The following RAG1 variants were observed in gnomAD, a reference collection of about 807,000 sequenced individuals.
RAG1 encodes recombination activating 1, also known as V(D)J recombination-activating protein 1.
In RAG1, 35 loss-of-function variants were observed where a neutral mutation model predicts 62.7. That is an observed-to-expected ratio of 0.56 (90% CI 0.43 to 0.74). The LOEUF is 0.74. Ranked by LOEUF, RAG1 falls within the 30% of genes least tolerant of loss-of-function variation. RAG1 has a pLI of 0.00. For missense variants in RAG1, 1,169 were observed against 1,278.6 expected, an observed-to-expected ratio of 0.91 and a Z score of 1.31; for synonymous variants, 461 against 470.3, an observed-to-expected ratio of 0.98 and a Z score of 0.26.
At position 36,577,252 on chromosome 11, in the gene RAG1, T is replaced by C. The variant is rs1850866169; in HGVS notation, c.*816T>C. 1 of 167,010 alleles carries C rather than the reference T, an allele frequency of 6.0e-6. No individual in the cohort carries two copies. The highest frequency in any genetic ancestry group is 2.1e-4 in the South Asian group (1 of 4,832). 10.3% of individuals were successfully genotyped at this position (167,010 alleles called of 1,614,324 possible). A position where few individuals can be genotyped will look rare whatever the true frequency, so the allele number is the denominator to read the frequency against. On this transcript the variant is annotated 3_prime_UTR_variant, in exon 2 of 2. Coordinates refer to ENST00000299440, the MANE Select transcript of RAG1 (RefSeq NM_000448.3). Reference sequence around the variant, plus strand: ...CAAGTATGATTCTTTATTTTTACTTTTTCATTTCAAGAAATTTAGAGTTTC... The same window carrying C: ...CAAGTATGATTCTTTATTTTTACTTCTTCATTTCAAGAAATTTAGAGTTTC...
intron 3 of RAG1, among the ~76,000 whole-genome samples, chr11:36,549,154 T>C (rs1850444966): frequency 6.6e-6 from 1 of 152,174 alleles, no homozygotes; most frequent in Non-Finnish European, 1.5e-5. Context: ...ATGTAAGACC[T>C]AAAACCATAA....
intron 3 of RAG1, among the ~76,000 whole-genome samples, chr11:36,551,168 C>A (rs182367931): frequency 7.9e-4 from 120 of 152,212 alleles, no homozygotes; most frequent in African/African-American, 2.8e-3. Flanking sequence ...TAAATTCAGA[C>A]AATGATAATT....
chr11:36,533,346 C>A (rs1324692702), intron 2 of RAG1, among the ~76,000 whole-genome samples: 2 of 152,176 alleles, frequency 1.3e-5, no homozygotes, highest in East Asian at 3.8e-4. Context: ...GCTTATATTG[C>A]CCTTGTTGCC....
At chr11:36,539,036 T>C (rs1252844836), downstream of RAG1, among the ~76,000 whole-genome samples, 6 of 152,198 alleles carry the variant, frequency 3.9e-5, no homozygotes, top group Non-Finnish European at 8.8e-5. Context: ...TTGAGACTCT[T>C]GTGGATTGAA....
chr11:36,537,942 C>T (rs149116871), downstream of RAG1, among the ~76,000 whole-genome samples: 145 of 152,222 alleles, frequency 9.5e-4, 1 homozygote, highest in African/African-American at 3.2e-3. Flanking sequence ...TTGTCTTCTG[C>T]ATTACGTTGT....
Position 36,576,379 on chromosome 11 carries a change from A to T in RAG1, c.3075A>T (p.Leu1025Phe). Residue 1025 changes from leucine (L) to phenylalanine (F), a missense_variant, in exon 2 of 2, where the codon TTA becomes TTT. Around this residue, in one of 2 missense-constraint regions of RAG1, gnomAD observed 800 missense variants for 943.3 expected, o/e 0.85. Transcript: ENST00000299440. The part of the protein sequence containing the change: ...SGFTMNPQAS[L>F]GDPLGIEDSL... ...TTACCATGAACCCTCAGGCAAGCTT[A>T]GGGGACCCATTAGGCATAGAGGACT... is the stretch of plus-strand genomic sequence containing the variant. The T allele has an allele frequency of 1.2e-6, 2 of 1,614,174 alleles. No homozygotes were observed. Among genetic ancestry groups the T allele is most frequent in the Non-Finnish European group, 1.7e-6 (2 of 1,180,012 alleles).
Position 36,573,754 on chromosome 11 carries a change from C to A in RAG1, c.450C>A (p.Ser150=). 6.2e-7 allele frequency: 1 copy of A among 1,614,062 alleles called. No individual in the cohort carries two copies. The highest frequency in any genetic ancestry group is 8.5e-7 in the Non-Finnish European group (1 of 1,180,028). Reference sequence around the variant, plus strand: ...GAAAGAAGGAAAAGAGAGCTACTTCCTGGCCGGACCTCATTGCCAAGGTTT... The same window carrying A: ...GAAAGAAGGAAAAGAGAGCTACTTCATGGCCGGACCTCATTGCCAAGGTTT... ...LLRKKEKRAT[S]WPDLIAKVFR... is the part of the protein sequence containing the mutation. The change falls in exon 2 of 2, where the codon TCC becomes TCA. Residue 150 remains serine, a synonymous_variant. Coordinates refer to ENST00000299440, the MANE Select transcript of RAG1 (RefSeq NM_000448.3).
chr11:36,513,686 C>T (rs937066673), intron 1 of RAG1, among the ~76,000 whole-genome samples: 3 of 152,178 alleles, frequency 2.0e-5, no homozygotes, highest in Non-Finnish European at 4.4e-5. Flanking sequence ...TTCCACATGA[C>T]TGGGGAAGCC....
At chr11:36,524,341 A>T (rs75946667) in intron 2 of RAG1, among the ~76,000 whole-genome samples, 2 of 18,818 alleles carry the variant, frequency 1.1e-4, no homozygotes, top group Admixed American at 1.2e-3. Flanking sequence ...AAAGTATAAT[A>T]AAAAAAAAAA....
rs1025937703 is a variant in RAG1 at position 36,578,371 on chromosome 11, C to T, written c.*1935C>T. The T allele has an allele frequency of 6.0e-6, 1 of 166,438 alleles. No individual in the cohort carries two copies. The highest frequency in any genetic ancestry group is 2.4e-5 in the African/African-American group (1 of 41,396). The allele number at this position is 166,438 out of a possible 1,614,324, so 10.3% of individuals were successfully genotyped here. A position where few individuals can be genotyped will look rare whatever the true frequency, so the allele number is the denominator to read the frequency against. On this transcript the variant is annotated 3_prime_UTR_variant, in exon 2 of 2. Transcript: ENST00000299440. ...TTTAACATTAGTTTTTTTGAAAACTCTTGGTTTTGTTTTTTTGGAAATGAG... is the reference window on the plus strand; with the variant it reads ...TTTAACATTAGTTTTTTTGAAAACTTTTGGTTTTGTTTTTTTGGAAATGAG...
At chr11:36,513,800 CT>C (rs1398281950) in intron 1 of RAG1, among the ~76,000 whole-genome samples, 41 of 152,302 alleles carry the variant, frequency 2.7e-4, no homozygotes, top group African/African-American at 9.9e-4. Flanking sequence ...ACCATCAGAT[CT>C]TGTGAGACTT....
At position 36,577,189 on chromosome 11, in the gene RAG1, ATCT is replaced by A. The variant is rs1479654324; in HGVS notation, c.*757_*759del. On this transcript the variant is annotated 3_prime_UTR_variant, in exon 2 of 2. Coordinates refer to ENST00000299440, the MANE Select transcript of RAG1 (RefSeq NM_000448.3). ...CCTGTTAGCTACAGTTAGTTATTAA[ATCT>A]TCTGATAATATATGTTTACTTAGCT... is the stretch of plus-strand genomic sequence containing the variant. The A allele has an allele frequency of 1.2e-5, 2 of 166,842 alleles. No individual in the cohort carries two copies. The highest frequency in any genetic ancestry group is 4.8e-5 in the African/African-American group (2 of 41,448). The allele number at this position is 166,842 out of a possible 1,614,324, so 10.3% of individuals were successfully genotyped here.
chr11:36,531,797 C>T lies in RAG1; in HGVS notation n.429-4162C>T, dbSNP rs193049172. On this transcript the variant is annotated intron_variant and non_coding_transcript_variant, in intron 2 of 2. Coordinates refer to the RAG1 transcript ENST00000529126. ...GAACTTCCTGTGGCCATTCAATAAC[C>T]TTTTTTCTTATCAAATGACGTGAGC... Among the ~76,000 whole-genome samples the T allele has an allele frequency of 8.5e-3, 1,296 of 152,020 alleles. 7 individuals are homozygous for T. The highest frequency in any genetic ancestry group is 0.014 in the Non-Finnish European group (930 of 67,912).
At chr11:36,537,007 C>G (rs574406408), downstream of RAG1, among the ~76,000 whole-genome samples, 1 of 151,164 alleles carries the variant, frequency 6.6e-6, no homozygotes, top group Admixed American at 6.6e-5. Flanking sequence ...ATCCACCTGC[C>G]TCGGCCTCCC....
chr11:36,570,715 T>C (rs1483228721), intron 1 of RAG1, among the ~76,000 whole-genome samples: 1 of 152,244 alleles, frequency 6.6e-6, no homozygotes, highest in East Asian at 1.9e-4. Context: ...CAATCTATTT[T>C]AACTGGGGTG....
intron 3 of RAG1, among the ~76,000 whole-genome samples, chr11:36,549,917 A>G (rs183576312): frequency 1.3e-5 from 2 of 152,368 alleles, no homozygotes; most frequent in East Asian, 3.8e-4. Flanking sequence ...CATATACACC[A>G]TAGAATACTA....
chr11:36,573,457 T>C lies in RAG1; in HGVS notation c.153T>C (p.Asp51=). ...AAGAAGCTCAAAAGGAAAAGAAGGA[T>C]TCCTTTGAGGGGAAACCCTCTCTGG... The part of the protein sequence containing the change: ...TPEEAQKEKK[D]SFEGKPSLEQ... Residue 51 remains aspartate, a synonymous_variant, in exon 2 of 2, where the codon GAT becomes GAC. Coordinates refer to ENST00000299440, the MANE Select transcript of RAG1 (RefSeq NM_000448.3). The C allele has an allele frequency of 1.2e-6, 2 of 1,614,164 alleles. No homozygotes were observed. The highest frequency in any genetic ancestry group is 1.7e-6 in the Non-Finnish European group (2 of 1,180,024).
chr11:36,518,450 CCCA>C (rs1436071696), intron 1 of RAG1, among the ~76,000 whole-genome samples: 1 of 152,188 alleles, frequency 6.6e-6, no homozygotes, highest in African/African-American at 2.4e-5. Context: ...AGTTTACATT[CCCA>C]CCAACAGTGT....
intron 1 of RAG1, among the ~76,000 whole-genome samples, chr11:36,571,058 G>T (rs1850732518): frequency 6.6e-6 from 1 of 152,136 alleles, no homozygotes; most frequent in South Asian, 2.1e-4. Flanking sequence ...TGCTTTGGTT[G>T]CCTTCCACAG....
Sources: allele counts gnomAD v4.1 joint callset (sites outside exome capture counted in the v4.1 genomes callset), GRCh38; gene constraint gnomAD v4.1.1; regional missense constraint gnomAD v4.1.1; transcripts MANE v1.5; gene names NCBI Gene and HGNC (gene_info 2026-07-23, HGNC 2026-07-21).